WNT3A: variants seen among roughly 807,000 people sequenced by gnomAD.
The protein encoded by WNT3A is protein Wnt-3a.
WNT3A carries 17 observed loss-of-function variants against 37.0 expected under a neutral mutation model. The ratio of observed to expected loss-of-function variants is 0.46; its 90% CI spans 0.31 to 0.69. WNT3A has a LOEUF of 0.69. WNT3A is among the 30% of genes least tolerant of loss of function. The pLI, the probability that WNT3A is intolerant of heterozygous loss-of-function variation, is 0.05. For synonymous variants in WNT3A, 187 were observed against 211.0 expected (o/e 0.89, Z 0.99); for missense variants, 411 against 510.2 (o/e 0.81, Z 1.87).
intron 3 of WNT3A, among the ~76,000 whole-genome samples, chr1:228,051,795 G>T (rs954671588): frequency 2.6e-5 from 4 of 152,186 alleles, no homozygotes; most frequent in African/African-American, 9.7e-5. Flanking sequence ...TTCTTGGGAG[G>T]CCTCAGGGAG....
In WNT3A at chr1:228,050,579, G is replaced by T. The variant is rs1028795993; in HGVS notation, c.314-77G>T. ...GAGTTCCTTTATAACAATGCAAATG[G>T]GCTAAGACCCCTGACCTGCCCAAGG... On this transcript the variant is annotated intron_variant, in intron 2 of 3. Transcript: ENST00000284523. The surrounding 1 kb of genome is among the most constrained non-coding windows in gnomAD (Gnocchi z 5.0). The T allele has an allele frequency of 2.0e-6, 3 of 1,497,068 alleles. No individual in the cohort carries two copies. Among genetic ancestry groups the T allele is most frequent in the Admixed American group, 4.5e-5 (2 of 44,226 alleles). 92.7% of individuals were successfully genotyped at this position (1,497,068 alleles called of 1,614,324 possible).
chr1:228,054,142 C>G (rs1417454322), intron 3 of WNT3A, among the ~76,000 whole-genome samples: 2 of 152,068 alleles, frequency 1.3e-5, no homozygotes, highest in African/African-American at 4.8e-5. Context: ...AAGAGCAAAG[C>G]CAAGCCAGAA....
intron 2 of WNT3A, among the ~76,000 whole-genome samples, chr1:228,024,145 G>C (rs1269080454): frequency 1.3e-5 from 2 of 152,208 alleles, no homozygotes; most frequent in Admixed American, 6.5e-5. Flanking sequence ...ACACCTTTTG[G>C]TTTCTGTATC....
intron 2 of WNT3A, among the ~76,000 whole-genome samples, chr1:228,043,337 C>G (rs540121034): frequency 6.6e-6 from 1 of 152,208 alleles, no homozygotes; most frequent in Non-Finnish European, 1.5e-5. Flanking sequence ...AAAAGTTCAG[C>G]CAGGCTCCTT....
Position 228,007,724 on chromosome 1 carries a change from C to T in WNT3A, c.71+525C>T, listed in dbSNP as rs1007065965. Among the ~76,000 whole-genome samples the T allele has an allele frequency of 2.0e-5, 3 of 152,092 alleles. No individual in the cohort carries two copies. The highest frequency in any genetic ancestry group is 7.2e-5 in the African/African-American group (3 of 41,424). On this transcript the variant is annotated intron_variant, in intron 1 of 3. Transcript: ENST00000284523. The surrounding 1 kb of genome is among the most constrained non-coding windows in gnomAD (Gnocchi z 6.0). ...AAAGCTGGGACCCGGCGGGGAGTGG[C>T]GCAGAGCCGGCGGCGGGGCGCACTG...
intron 3 of WNT3A, among the ~76,000 whole-genome samples, chr1:228,057,313 C>T (rs2031702185): frequency 6.6e-6 from 1 of 151,972 alleles, no homozygotes; most frequent in African/African-American, 2.4e-5. Flanking sequence ...TAACTGCCAC[C>T]CACCATGGCT....
chr1:228,024,990 T>A (rs2030817761), intron 2 of WNT3A, among the ~76,000 whole-genome samples: 1 of 152,208 alleles, frequency 6.6e-6, no homozygotes, highest in Non-Finnish European at 1.5e-5. Context: ...TCCAGTCTAT[T>A]GGTCTGTATG....
rs139927334 is a variant in WNT3A, at chr1:228,034,633, G to T, written c.313+11725G>T. 2.6e-3 allele frequency among the ~76,000 whole-genome samples: 401 copies of T among 152,194 alleles called. 3 individuals are homozygous for T. Among genetic ancestry groups the T allele is most frequent in the African/African-American group, 9.2e-3 (382 of 41,520 alleles). On this transcript the variant is annotated intron_variant, in intron 2 of 3. Coordinates refer to ENST00000284523, the MANE Select transcript of WNT3A (RefSeq NM_033131.4). ...AAAACTTTGTTCACATAAATAAATA[G>T]ATAAAAATGGGAGCACTTAGTTACC...
chr1:228,007,295 C>A lies in WNT3A; in HGVS notation c.71+96C>A. The A allele has an allele frequency of 7.8e-7, 1 of 1,288,946 alleles. No homozygotes were observed. The highest frequency in any genetic ancestry group is 1.1e-6 in the Non-Finnish European group (1 of 939,952). The allele number at this position is 1,288,946 out of a possible 1,614,324, so 79.8% of individuals were successfully genotyped here. A position where few individuals can be genotyped will look rare whatever the true frequency, so the allele number is the denominator to read the frequency against. ...GGGACCCCGCGGTGGCCCGAGCCCG[C>A]GCCCTTCTGCTCCAGCCCCGCGTGC... On this transcript the variant is annotated intron_variant, in intron 1 of 3. Transcript: ENST00000284523. The surrounding 1 kb of genome is among the most constrained non-coding windows in gnomAD (Gnocchi z 6.0).
In WNT3A at chr1:228,037,331, G is replaced by T. The variant is rs552686688; in HGVS notation, c.314-13325G>T. The stretch of plus-strand genomic sequence containing the variant: ...TGGTTGGTGCCCCAGGACCCCTCCA[G>T]CCCCAAAGGGTGGGGAGAGTAATGA... On this transcript the variant is annotated intron_variant, in intron 2 of 3. Coordinates refer to ENST00000284523, the MANE Select transcript of WNT3A (RefSeq NM_033131.4). The surrounding 1 kb of genome is among the most constrained non-coding windows in gnomAD (Gnocchi z 4.1). 3.9e-5 allele frequency among the ~76,000 whole-genome samples: 6 copies of T among 152,234 alleles called. No homozygotes were observed. In the South Asian group the frequency reaches 1.2e-3, roughly 32 times the overall value.
intron 3 of WNT3A, among the ~76,000 whole-genome samples, chr1:228,052,823 C>T (rs1025481663): frequency 6.6e-6 from 1 of 152,216 alleles, no homozygotes; most frequent in Non-Finnish European, 1.5e-5. Context: ...ATAGATGAGG[C>T]AGTGCAGTGC....
At chr1:228,046,752 G>A (rs544956512) in intron 2 of WNT3A, among the ~76,000 whole-genome samples, 1 of 150,576 alleles carries the variant, frequency 6.6e-6, no homozygotes, top group Admixed American at 6.6e-5. Flanking sequence ...GTGCATGTGT[G>A]CTTGTGTGTG....
At chr1:228,016,553 G>A (rs913719051) in intron 1 of WNT3A, among the ~76,000 whole-genome samples, 6 of 152,182 alleles carry the variant, frequency 3.9e-5, no homozygotes, top group Admixed American at 6.5e-5. Flanking sequence ...GCTGCAAGGA[G>A]GCTGTCCAGG....
intron 1 of WNT3A, among the ~76,000 whole-genome samples, chr1:228,021,878 T>TC (rs1285539663): frequency 6.6e-6 from 1 of 152,112 alleles, no homozygotes; most frequent in Non-Finnish European, 1.5e-5. Context: ...TAGCCCTGAG[T>TC]CCCCCATTGG....
chr1:228,049,820 C>G (rs1170711605), intron 2 of WNT3A, among the ~76,000 whole-genome samples: 2 of 152,160 alleles, frequency 1.3e-5, no homozygotes, highest in Non-Finnish European at 2.9e-5. Context: ...GGGTCTTGCT[C>G]TATCACCCAT....
chr1:228,055,176 AAAAATATATATATATATATATATAT>A (rs2031653881), intron 3 of WNT3A, among the ~76,000 whole-genome samples: 4 of 59,086 alleles, frequency 6.8e-5, no homozygotes, highest in South Asian at 7.3e-4. Context: ...AAAAAAAAAA[AAAAATATATATATATATATATATAT>A]ATATATATAT....
In WNT3A at chr1:228,038,268, G is replaced by A. The variant is rs950513381; in HGVS notation, c.314-12388G>A. Among the ~76,000 whole-genome samples the A allele has an allele frequency of 6.6e-6, 1 of 152,078 alleles. No homozygotes were observed. The highest frequency in any genetic ancestry group is 6.5e-5 in the Admixed American group (1 of 15,276). On this transcript the variant is annotated intron_variant, in intron 2 of 3. Coordinates refer to ENST00000284523, the MANE Select transcript of WNT3A (RefSeq NM_033131.4). The surrounding 1 kb of genome is among the most constrained non-coding windows in gnomAD (Gnocchi z 5.7). The stretch of plus-strand genomic sequence containing the variant: ...GGGCAGCCCCCGAGGGGAGGCGCCC[G>A]GGCGTCGGCTCCGGCGGGCTCCGGC...
At chr1:228,022,564 GCC>G in intron 1 of WNT3A, 101 bp from the exon 2 acceptor site, 1 of 1,377,678 alleles carries the variant, frequency 7.3e-7, no homozygotes, top group Non-Finnish European at 9.7e-7. Flanking sequence ...GCTGCGTCTC[GCC>G]CCCCGAATGC....
chr1:228,060,886 G>A lies in WNT3A; in HGVS notation c.*1421G>A, dbSNP rs1321765061. The A allele has an allele frequency of 1.3e-5, 2 of 152,696 alleles. No individual in the cohort carries two copies. The highest frequency in any genetic ancestry group is 2.9e-5 in the Non-Finnish European group (2 of 68,312). The allele number at this position is 152,696 out of a possible 1,614,324, so 9.5% of individuals were successfully genotyped here. On this transcript the variant is annotated 3_prime_UTR_variant, in exon 4 of 4. Coordinates refer to ENST00000284523, the MANE Select transcript of WNT3A (RefSeq NM_033131.4). ...GAGGTTTGGGGGGCATCAACCCCCC[G>A]ACTGTGCTGCTCGCGAAGGTCCCAC...
Sources: allele counts gnomAD v4.1 joint callset (sites outside exome capture counted in the v4.1 genomes callset), GRCh38; gene constraint gnomAD v4.1.1; non-coding constraint Gnocchi (gnomAD v3.1); transcripts MANE v1.5; gene names NCBI Gene and HGNC (gene_info 2026-07-23, HGNC 2026-07-21).